The following CARD19 variants were observed in gnomAD, a reference collection of about 807,000 sequenced individuals.
CARD19 encodes caspase recruitment domain family member 19.
Under a neutral mutation model 24.1 loss-of-function variants are expected in CARD19, and 25 were observed. The observed-to-expected ratio is 1.04, with a 90% CI of 0.76 to 1.45. CARD19 has a LOEUF of 1.45. Among genes scored for constraint, CARD19 ranks in the 40% most tolerant of loss-of-function variants. CARD19 has a pLI of 0.00. For missense variants in CARD19, 241 were observed against 247.4 expected (o/e 0.97, Z 0.17); for synonymous variants, 103 against 104.9 (o/e 0.98, Z 0.11).
chr9:93,111,074 C>A, intron 3 of CARD19: 1 of 1,338,950 alleles, frequency 7.5e-7, no homozygotes, highest in Non-Finnish European at 9.8e-7. Flanking sequence ...TGGACAGCAA[C>A]CTTGTTCCCA....
rs1242837002 is a variant in CARD19 at position 93,111,924 on chromosome 9, A to G, written c.350A>G (p.Glu117Gly). The G allele has an allele frequency of 6.2e-7, 1 of 1,611,400 alleles. No homozygotes were observed. Among genetic ancestry groups the G allele is most frequent in the African/African-American group, 1.3e-5 (1 of 74,814 alleles). The change falls in exon 4 of 6, where the codon GAG becomes GGG. Residue 117 changes from glutamate (E) to glycine (G), a missense_variant. Physicochemically the swap from Glu to Gly is moderately conservative, Grantham distance 98. Coordinates refer to ENST00000375464, the MANE Select transcript of CARD19 (RefSeq NM_032310.5). ...CTAGACTCGGGCAGCCAGAGCGGCG[A>G]GCTGAGTAACAGGGGTAACACCTCC... ...TELDSGSQSG[E>G]LSNRGPMSFL...
At chr9:93,099,350 A>G (rs776104430) in intron 1 of CARD19, among the ~76,000 whole-genome samples, 3 of 152,180 alleles carry the variant, frequency 2.0e-5, no homozygotes, top group Non-Finnish European at 4.4e-5. Context: ...GTGAATTTCC[A>G]TGTTAATTAG....
intron 1 of CARD19, among the ~76,000 whole-genome samples, chr9:93,101,586 C>T (rs935731046): frequency 2.0e-5 from 3 of 151,674 alleles, no homozygotes; most frequent in African/African-American, 4.8e-5. Context: ...ATTACAGGTA[C>T]CCGCCATCAC....
intron 1 of CARD19, among the ~76,000 whole-genome samples, chr9:93,101,012 A>G (rs576085560): frequency 1.6e-4 from 25 of 152,242 alleles, no homozygotes; most frequent in African/African-American, 6.0e-4. Flanking sequence ...TCTTTTGGCT[A>G]TTTTGAATAG....
In CARD19 at chr9:93,107,792, C is replaced by A. The variant is rs776031941; in HGVS notation, c.126C>A (p.Ile42=). 6.2e-7 allele frequency: 1 copy of A among 1,614,118 alleles called. No individual in the cohort carries two copies. Among genetic ancestry groups the A allele is most frequent in the African/African-American group, 1.3e-5 (1 of 74,944 alleles). Residue 42 remains isoleucine (I), a synonymous_variant, in exon 2 of 6, where the codon ATC becomes ATA. Transcript: ENST00000375464. ...ILQLNRYYPQ[I]LTNKEAEKFR... ...AGCTGAACCGTTACTACCCACAGAT[C>A]CTTACCAACAAGGAGGCGGAAAAGG... is the stretch of plus-strand genomic sequence containing the variant.
At chr9:93,099,590 A>G (rs1488067004) in intron 1 of CARD19, among the ~76,000 whole-genome samples, 1 of 152,214 alleles carries the variant, frequency 6.6e-6, no homozygotes, top group African/African-American at 2.4e-5. Context: ...TGCCAGACAT[A>G]TGGGATTGCT....
chr9:93,099,756 G>A (rs545394155), intron 1 of CARD19, among the ~76,000 whole-genome samples: 5 of 152,324 alleles, frequency 3.3e-5, no homozygotes, highest in African/African-American at 1.2e-4. Context: ...TGGCAAGTCC[G>A]CATAGGCTGC....
intron 1 of CARD19, among the ~76,000 whole-genome samples, chr9:93,100,460 C>G (rs1229357649): frequency 5.9e-5 from 9 of 152,374 alleles, no homozygotes; most frequent in African/African-American, 2.2e-4. Flanking sequence ...CAGGCGTGAG[C>G]CACCGCGCCC....
rs150588284 is a variant in CARD19 at position 93,110,629 on chromosome 9, G to A, written c.212G>A (p.Arg71Gln). ...RLCDLLSHLQ[R>Q]SGERDCQEFY... ...TGTGACCTCCTGAGCCACCTGCAGC[G>A]GAGCGGTGAGCGGGACTGCCAGGAG... is the stretch of plus-strand genomic sequence containing the variant. Residue 71 changes from arginine to glutamine, a missense_variant, in exon 3 of 6, where the codon CGG (arginine) becomes CAG (glutamine). Coordinates refer to ENST00000375464, the MANE Select transcript of CARD19 (RefSeq NM_032310.5). 2.1e-5 allele frequency: 34 copies of A among 1,613,770 alleles called. No homozygotes were observed. In the African/African-American group the frequency reaches 3.2e-4, roughly 15 times the overall value.
Position 93,101,522 on chromosome 9 carries a change from C to T in CARD19, c.7+5170C>T, listed in dbSNP as rs554937761. ...TGGCATGATCTTGGCTCACTGCAAC[C>T]TCTACCGTCCGGGTTGAAGCGATTC... On this transcript the variant is annotated intron_variant, in intron 1 of 5. Transcript: ENST00000375464. 9.2e-5 allele frequency among the ~76,000 whole-genome samples: 14 copies of T among 152,064 alleles called. No homozygotes were observed. In the South Asian group the frequency reaches 2.9e-3, roughly 32 times the overall value.
At chr9:93,099,783 G>T (rs951193396) in intron 1 of CARD19, among the ~76,000 whole-genome samples, 5 of 152,236 alleles carry the variant, frequency 3.3e-5, no homozygotes, top group African/African-American at 9.6e-5. Context: ...ACTCAGTGCA[G>T]GTGAGGGCTG....
chr9:93,098,667 C>T (rs1826968269), intron 1 of CARD19, among the ~76,000 whole-genome samples: 1 of 152,218 alleles, frequency 6.6e-6, no homozygotes, highest in South Asian at 2.1e-4. Context: ...TTTGTGTGCA[C>T]AACTCGCAAC....
intron 1 of CARD19, among the ~76,000 whole-genome samples, chr9:93,106,973 A>C (rs7870963): frequency 1 from 151,192 of 151,950 alleles, 75,221 homozygotes; most frequent in East Asian, 1. Context: ...AAAGGTGGTA[A>C]AATGATATTT....
chr9:93,107,012 A>G (rs913567296), intron 1 of CARD19, among the ~76,000 whole-genome samples: 1 of 151,828 alleles, frequency 6.6e-6, no homozygotes, highest in African/African-American at 2.4e-5. Flanking sequence ...AAAAAAAGGC[A>G]AATGAAAAGC....
At chr9:93,109,615 CCAT>C (rs1371210382) in intron 2 of CARD19, among the ~76,000 whole-genome samples, 1 of 151,988 alleles carries the variant, frequency 6.6e-6, no homozygotes, top group African/African-American at 2.4e-5. Context: ...TAAACATGCA[CCAT>C]CATGCCCAGT....
At chr9:93,098,128 G>A (rs377111116) in intron 1 of CARD19, among the ~76,000 whole-genome samples, 4 of 152,242 alleles carry the variant, frequency 2.6e-5, no homozygotes, top group African/African-American at 9.6e-5. Flanking sequence ...CCCCTGGGCT[G>A]TGCCGGGGAG....
intron 1 of CARD19, among the ~76,000 whole-genome samples, chr9:93,101,991 T>C (rs937222676): frequency 3.3e-5 from 5 of 150,414 alleles, no homozygotes; most frequent in African/African-American, 1.2e-4. Flanking sequence ...AGACCAAGTC[T>C]CGCTCTGTTT....
At chr9:93,111,979 C>T (rs746732329) in intron 4 of CARD19, 41 bp downstream of exon 4, 180 of 1,588,120 alleles carry the variant, frequency 1.1e-4, no homozygotes, top group Non-Finnish European at 1.5e-4. Context: ...CTCCCTCTCT[C>T]TCCCTCTCTC....
rs776281182 is a variant in CARD19 at position 93,111,907 on chromosome 9, G to A, written c.333G>A (p.Ser111=). 1.7e-5 allele frequency: 27 copies of A among 1,611,692 alleles called. No individual in the cohort carries two copies. Among genetic ancestry groups the A allele is most frequent in the Middle Eastern group, 4.1e-4 (2 of 4,822 alleles). Residue 111 remains serine (S), a synonymous_variant, in exon 4 of 6, where the codon TCG becomes TCA. Transcript: ENST00000375464. The part of the protein sequence containing the change: ...LQNSDCTELD[S]GSQSGELSNR... ...ACTCAGATTGCACAGAGCTAGACTC[G>A]GGCAGCCAGAGCGGCGAGCTGAGTA...
Sources: allele counts gnomAD v4.1 joint callset (sites outside exome capture counted in the v4.1 genomes callset), GRCh38; gene constraint gnomAD v4.1.1; transcripts MANE v1.5; gene names NCBI Gene and HGNC (gene_info 2026-07-23, HGNC 2026-07-21).